MRPS14: variants seen among roughly 807,000 people sequenced by gnomAD.
MRPS14 encodes the protein mitochondrial ribosomal protein S14, also known as small ribosomal subunit protein uS14m.
A neutral mutation model predicts 16.4 loss-of-function variants in MRPS14; 14 were observed. The observed-to-expected ratio is 0.85, with a 90% confidence interval of 0.56 to 1.33. MRPS14 has a LOEUF of 1.33. Among genes scored for constraint, MRPS14 ranks in the 40% most tolerant of loss-of-function variants. The probability of loss-of-function intolerance (pLI) is 0.00; values close to 1 mark genes in which losing one functional copy is unlikely to be tolerated. For missense variants in MRPS14, 162 were observed against 176.8 expected, an observed-to-expected ratio of 0.92 and a Z score of 0.48; for synonymous variants, 54 against 61.9, an observed-to-expected ratio of 0.87 and a Z score of 0.60.
chr1:175,018,387 G>A (rs1672920367), intron 2 of MRPS14, 31 bp downstream of exon 2: 3 of 1,544,088 alleles, frequency 1.9e-6, no homozygotes, highest in Non-Finnish European at 2.6e-6. Flanking sequence ...ATGATCTTGT[G>A]GTACAAAGGG....
At chr1:175,016,547 G>GT (rs1672884211) in intron 2 of MRPS14, among the ~76,000 whole-genome samples, 1 of 152,154 alleles carries the variant, frequency 6.6e-6, no homozygotes, top group African/African-American at 2.4e-5. Flanking sequence ...ACCATGATCA[G>GT]TTTACATGAT....
At chr1:175,016,364 T>A (rs1672882451) in intron 2 of MRPS14, among the ~76,000 whole-genome samples, 2 of 152,198 alleles carry the variant, frequency 1.3e-5, no homozygotes, top group African/African-American at 4.8e-5. Flanking sequence ...GATTGATACA[T>A]ACCCCTTCCT....
chr1:175,014,528 A>G lies in MRPS14; in HGVS notation c.*141T>C, dbSNP rs1052212413. The G allele has an allele frequency of 8.6e-6, 6 of 698,586 alleles. No individual in the cohort carries two copies. Among genetic ancestry groups the G allele is most frequent in the Admixed American group, 3.3e-5 (1 of 29,866 alleles). 43.3% of individuals were successfully genotyped at this position (698,586 alleles called of 1,614,324 possible). A position where few individuals can be genotyped will look rare whatever the true frequency, so the allele number is the denominator to read the frequency against. On this transcript the variant is annotated 3_prime_UTR_variant, in exon 3 of 3. Transcript: ENST00000476371. ...ACCCAAATGTCTTCATTTTAAAAGT[A>G]GTTTAGAGATAGCATCAGGTAGGCC...
chr1:175,018,391 C>T, intron 2 of MRPS14, 27 bp downstream of exon 2: 1 of 1,567,388 alleles, frequency 6.4e-7, no homozygotes, highest in Non-Finnish European at 8.6e-7. Context: ...TCTTGTGGTA[C>T]AAAGGGACTC....
At chr1:175,017,256 G>C (rs536875051) in intron 2 of MRPS14, among the ~76,000 whole-genome samples, 1 of 152,060 alleles carries the variant, frequency 6.6e-6, no homozygotes, top group African/African-American at 2.4e-5. Context: ...GGTTTGGCCA[G>C]GTTGGTCTTG....
chr1:175,014,330 T>G lies in MRPS14; in HGVS notation c.*339A>C. The G allele has an allele frequency of 2.6e-6, 1 of 392,034 alleles. No individual in the cohort carries two copies. Among genetic ancestry groups the G allele is most frequent in the Non-Finnish European group, 4.5e-6 (1 of 222,544 alleles). The allele number at this position is 392,034 out of a possible 1,614,324, so 24.3% of individuals were successfully genotyped here. On this transcript the variant is annotated 3_prime_UTR_variant, in exon 3 of 3. Coordinates refer to ENST00000476371, the MANE Select transcript of MRPS14 (RefSeq NM_022100.3). ...TTGGATTATGTATAAGATAGCATTTTATGAAATAATGCTCTTAATACAAAA... is the reference window on the plus strand; with the variant it reads ...TTGGATTATGTATAAGATAGCATTTGATGAAATAATGCTCTTAATACAAAA...
At chr1:175,016,851 G>A (rs1672889190) in intron 2 of MRPS14, among the ~76,000 whole-genome samples, 1 of 152,158 alleles carries the variant, frequency 6.6e-6, no homozygotes. Flanking sequence ...ACACAATACA[G>A]TACTATTGAC....
chr1:175,019,626 G>A (rs1230365856), intron 1 of MRPS14, among the ~76,000 whole-genome samples: 2 of 152,066 alleles, frequency 1.3e-5, no homozygotes, highest in Non-Finnish European at 2.9e-5. Context: ...AAACTGCTAG[G>A]TCAAAGGGTA....
Position 175,023,375 on chromosome 1 carries a change from T to A in MRPS14, c.34A>T (p.Thr12Ser), listed in dbSNP as rs558859529. The A allele has an allele frequency of 1.9e-5, 31 of 1,614,086 alleles. No homozygotes were observed. The highest frequency in any genetic ancestry group is 2.5e-5 in the Non-Finnish European group (30 of 1,180,022). ...AGTAGAGGCCTGACCTGCTTGAACG[T>A]CCGCAGCAGCGAGCCCAGCATGAAG... ...AAFMLGSLLR[T>S]FKQMVPSSAS... Residue 12 changes from threonine (T) to serine (S), a missense_variant, in exon 1 of 3, where the codon ACG becomes TCG. By Grantham distance (58) the Thr-to-Ser change is moderately conservative (BLOSUM62 1). Coordinates refer to ENST00000476371, the MANE Select transcript of MRPS14 (RefSeq NM_022100.3).
intron 1 of MRPS14, among the ~76,000 whole-genome samples, chr1:175,023,109 C>T (rs1293801975): frequency 6.6e-6 from 1 of 152,214 alleles, no homozygotes; most frequent in Non-Finnish European, 1.5e-5. Flanking sequence ...AACTCGTCTC[C>T]TATCTGCTTA....
chr1:175,022,254 T>C (rs1316277427), intron 1 of MRPS14, among the ~76,000 whole-genome samples: 1 of 152,170 alleles, frequency 6.6e-6, no homozygotes, highest in Non-Finnish European at 1.5e-5. Context: ...ATTTTGGATA[T>C]ACCTGGTTAA....
At chr1:175,016,194 CAAA>C (rs57811664) in intron 2 of MRPS14, among the ~76,000 whole-genome samples, 1 of 92,918 alleles carries the variant, frequency 1.1e-5, no homozygotes, top group Admixed American at 1.1e-4. Context: ...AACCCCATCT[CAAA>C]AAAAAAAAAA....
intron 1 of MRPS14, among the ~76,000 whole-genome samples, chr1:175,021,399 TC>T (rs970786416): frequency 7.9e-5 from 12 of 152,238 alleles, no homozygotes; most frequent in African/African-American, 2.7e-4. Flanking sequence ...ATGACTTTTG[TC>T]CTCCACTCTT....
intron 2 of MRPS14, 81 bp from the exon 3 acceptor site, chr1:175,014,932 TCTTTTC>T: frequency 1.4e-5 from 17 of 1,180,090 alleles, no homozygotes; most frequent in Admixed American, 8.4e-5. Flanking sequence ...CAGGTAATTT[TCTTTTC>T]TTTTTTTTTT....
chr1:175,018,347 CAG>C (rs1411866817), intron 2 of MRPS14, 69 bp downstream of exon 2: 20 of 1,348,488 alleles, frequency 1.5e-5, no homozygotes, highest in Non-Finnish European at 1.9e-5. Context: ...TCACAACAAA[CAG>C]TATCAAAAGT....
intron 1 of MRPS14, among the ~76,000 whole-genome samples, chr1:175,019,343 G>A (rs201974395): frequency 2.4e-4 from 37 of 152,020 alleles, no homozygotes; most frequent in Non-Finnish European, 5.0e-4. Flanking sequence ...GTGCAGTGGC[G>A]CAATCTTGGC....
At chr1:175,023,202 C>G (rs766338187) in intron 1 of MRPS14, 162 bp downstream of exon 1, 1 of 1,510,298 alleles carries the variant, frequency 6.6e-7, no homozygotes, top group Non-Finnish European at 8.9e-7. Flanking sequence ...ACATCTGCAG[C>G]TCGGACCTCC....
At position 175,013,607 on chromosome 1, in the gene MRPS14, A is replaced by G. The variant is rs1672823397; in HGVS notation, c.*1062T>C. 6.6e-6 allele frequency: 1 copy of G among 152,198 alleles called. No homozygotes were observed. The highest frequency in any genetic ancestry group is 1.5e-5 in the Non-Finnish European group (1 of 68,048). The allele number at this position is 152,198 out of a possible 1,614,324, so 9.4% of individuals were successfully genotyped here. A position where few individuals can be genotyped will look rare whatever the true frequency, so the allele number is the denominator to read the frequency against. ...CTTTTTCCTCTCATGGCCATCTGCCACACAGCTGTCACTTACCTGTATTAC... is the reference window on the plus strand; with the variant it reads ...CTTTTTCCTCTCATGGCCATCTGCCGCACAGCTGTCACTTACCTGTATTAC... On this transcript the variant is annotated 3_prime_UTR_variant, in exon 3 of 3. Transcript: ENST00000476371.
At position 175,023,304 on chromosome 1, in the gene MRPS14, C is replaced by A. The variant is rs756209409; in HGVS notation, c.45+60G>T. 7.5e-6 allele frequency: 12 copies of A among 1,596,820 alleles called. No individual in the cohort carries two copies. In the South Asian group the frequency reaches 1.2e-4, roughly 17 times the overall value. ...TACAGGTGGCAGAGCCGTGGGGGAC[C>A]CGTGGGTTATGAGATTCAGCGGTGA... On this transcript the variant is annotated intron_variant, in intron 1 of 2. Transcript: ENST00000476371.
Sources: gnomAD v4.1 joint callset for allele counts (sites outside exome capture counted in the v4.1 genomes callset) on GRCh38, gnomAD v4.1.1 for gene constraint, MANE v1.5 for transcripts, NCBI Gene and HGNC (gene_info 2026-07-23, HGNC 2026-07-21) for gene names.